SRGN: variants seen among roughly 807,000 people sequenced by gnomAD.
The protein encoded by SRGN is hematopoetic proteoglycan core peptide.
SRGN carries 2 observed loss-of-function variants against 9.5 expected under a neutral mutation model. That is an observed-to-expected ratio of 0.21 (90% CI 0.09 to 0.66). SRGN has a LOEUF of 0.66. Ranked by LOEUF, SRGN falls within the 30% of genes least tolerant of loss-of-function variation. The probability of loss-of-function intolerance (pLI) is 0.83; values close to 1 mark genes in which losing one functional copy is unlikely to be tolerated. For synonymous variants in SRGN, 59 were observed against 72.3 expected (o/e 0.82, Z 0.93); for missense variants, 170 against 192.4 (o/e 0.88, Z 0.69).
intron 1 of SRGN, among the ~76,000 whole-genome samples, chr10:69,093,137 G>A (rs1490976410): frequency 1.3e-5 from 2 of 152,140 alleles, no homozygotes; most frequent in Non-Finnish European, 2.9e-5. Context: ...GACTGCCTAG[G>A]CCTGCTCTGT....
chr10:69,103,938 G>A lies in SRGN; in HGVS notation c.295G>A (p.Gly99Ser), dbSNP rs529263420. 14 of 1,614,012 alleles carry A rather than the reference G, an allele frequency of 8.7e-6. No individual in the cohort carries two copies. The African/African-American group carries it at 1.3e-4, about 15-fold the overall frequency. ...LSEDYSGSGF[G>S]SGSGSGSGSG... ...TGAGGACTACTCTGGATCAGGCTTC[G>A]GCTCCGGCTCCGGCTCTGGATCAGG... The change falls in exon 3 of 3, where the codon GGC becomes AGC. Residue 99 changes from glycine (G) to serine (S), a missense_variant. Physicochemically the swap from Gly to Ser is moderately conservative, Grantham distance 56. Coordinates refer to ENST00000242465, the MANE Select transcript of SRGN (RefSeq NM_002727.4).
Position 69,091,228 on chromosome 10 carries a change from G to A in SRGN, c.79+2992G>A, listed in dbSNP as rs181259342. The stretch of plus-strand genomic sequence containing the variant: ...CCAAGACCCATTACAACTAATTAAC[G>A]GCTGAACTGGTCGTCTGATTTCAAG... On this transcript the variant is annotated intron_variant, in intron 1 of 2. Coordinates refer to ENST00000242465, the MANE Select transcript of SRGN (RefSeq NM_002727.4). Among the ~76,000 whole-genome samples, 5 of 152,248 alleles carry A rather than the reference G, an allele frequency of 3.3e-5. No homozygotes were observed. In the East Asian group the frequency reaches 9.6e-4, roughly 29 times the overall value.
rs1840354388 is a variant in SRGN, at chr10:69,104,289, G to A, written c.*169G>A. ...TTCTCATGAATTCTTAAAGGATTAT[G>A]CTTTAATGCTGTTATCTATTTTATT... On this transcript the variant is annotated 3_prime_UTR_variant, in exon 3 of 3. Coordinates refer to ENST00000242465, the MANE Select transcript of SRGN (RefSeq NM_002727.4). 8.0e-6 allele frequency: 7 copies of A among 875,348 alleles called. No homozygotes were observed. The highest frequency in any genetic ancestry group is 8.3e-6 in the Non-Finnish European group (5 of 603,904). 54.2% of individuals were successfully genotyped at this position (875,348 alleles called of 1,614,324 possible).
rs749111823 is a variant in SRGN, at chr10:69,097,248, CTAATTAAT to C, written c.227+28_227+35del. On this transcript the variant is annotated intron_variant, in intron 2 of 2. Transcript: ENST00000242465. ...CCTTTTTCCGTAAGTGGACTTTTCT[CTAATTAAT>C]TAATTAATTACTTATTTATTTGAGA... is the stretch of plus-strand genomic sequence containing the variant. 3.8e-6 allele frequency: 6 copies of C among 1,592,158 alleles called. No homozygotes were observed. In the African/African-American group the frequency reaches 4.0e-5, roughly 11 times the overall value.
intron 2 of SRGN, among the ~76,000 whole-genome samples, chr10:69,100,745 C>T (rs901898288): frequency 6.6e-6 from 1 of 152,114 alleles, no homozygotes; most frequent in Non-Finnish European, 1.5e-5. Flanking sequence ...GCTCCCAGGG[C>T]TGTGGCTGAC....
intron 2 of SRGN, among the ~76,000 whole-genome samples, chr10:69,100,925 C>T (rs1367089334): frequency 1.3e-5 from 2 of 152,102 alleles, no homozygotes; most frequent in African/African-American, 4.8e-5. Flanking sequence ...AGGAAATAGA[C>T]AACCTCCTTC....
In SRGN at chr10:69,100,807, G is replaced by C. The variant is rs115506782; in HGVS notation, c.228-3064G>C. The stretch of plus-strand genomic sequence containing the variant: ...AGACTGAGAGCTTGGGAGGAAGGGA[G>C]AGAGGTATGTTTCTTCTCCTTACTC... On this transcript the variant is annotated intron_variant, in intron 2 of 2. Transcript: ENST00000242465. 8.7e-4 allele frequency among the ~76,000 whole-genome samples: 133 copies of C among 152,150 alleles called. 3 individuals carry two copies. The East Asian group carries it at 0.02, about 23-fold the overall frequency.
At position 69,103,996 on chromosome 10, in the gene SRGN, A is replaced by G. The variant is rs146911526; in HGVS notation, c.353A>G (p.Gln118Arg). The G allele has an allele frequency of 4.3e-6, 7 of 1,614,126 alleles. No homozygotes were observed. In the African/African-American group the frequency reaches 8.0e-5, roughly 18 times the overall value. The change falls in exon 3 of 3, where the codon CAG (glutamine) becomes CGG (arginine). Residue 118 changes from glutamine (Q) to arginine (R), a missense_variant. Gln to Arg is a conservative substitution (Grantham distance 43). Transcript: ENST00000242465. ...AGTGGCTTCCTAACGGAAATGGAAC[A>G]GGATTACCAACTAGTAGACGAAAGT... ...SGSGFLTEME[Q>R]DYQLVDESDA... is the part of the protein sequence containing the mutation.
intron 1 of SRGN, among the ~76,000 whole-genome samples, chr10:69,093,408 C>A (rs1469825033): frequency 6.6e-6 from 1 of 152,082 alleles, no homozygotes; most frequent in Non-Finnish European, 1.5e-5. Context: ...TTAAAACTCC[C>A]TATGTGGTTT....
Position 69,096,217 on chromosome 10 carries a change from C to T in SRGN, c.80-867C>T, listed in dbSNP as rs1011113406. 1.5e-4 allele frequency among the ~76,000 whole-genome samples: 23 copies of T among 152,292 alleles called. No homozygotes were observed. In the South Asian group the frequency reaches 4.4e-3, roughly 29 times the overall value. On this transcript the variant is annotated intron_variant, in intron 1 of 2. Transcript: ENST00000242465. ...CTTCCCCTTTCTGAACCTGATTTGACTCATCTCTATGAAAAGATGTGGGCT... is the reference window on the plus strand; with the variant it reads ...CTTCCCCTTTCTGAACCTGATTTGATTCATCTCTATGAAAAGATGTGGGCT...
intron 2 of SRGN, among the ~76,000 whole-genome samples, chr10:69,100,149 C>T (rs367907421): frequency 6.6e-6 from 1 of 152,168 alleles, no homozygotes. Context: ...CCAAGGCAGG[C>T]AGATTGCTTT....
chr10:69,102,843 T>G (rs777296486), intron 2 of SRGN, among the ~76,000 whole-genome samples: 3 of 152,236 alleles, frequency 2.0e-5, no homozygotes, highest in Non-Finnish European at 4.4e-5. Flanking sequence ...GTGAGCTTTG[T>G]TGAAGCCCTG....
intron 1 of SRGN, 77 bp downstream of exon 1, chr10:69,088,313 T>A: frequency 1.6e-6 from 2 of 1,254,492 alleles, no homozygotes; most frequent in Non-Finnish European, 2.3e-6. Context: ...ATATTCATTT[T>A]AAGGCATAGA....
At chr10:69,091,716 C>A (rs1226470281) in intron 1 of SRGN, among the ~76,000 whole-genome samples, 7 of 150,984 alleles carry the variant, frequency 4.6e-5, no homozygotes, top group Non-Finnish European at 1.5e-5. Flanking sequence ...CCCATCTCTA[C>A]TAAAAATACA....
At chr10:69,102,974 T>A (rs1840321263) in intron 2 of SRGN, among the ~76,000 whole-genome samples, 1 of 152,036 alleles carries the variant, frequency 6.6e-6, no homozygotes, top group African/African-American at 2.4e-5. Context: ...AGTTTTGCTC[T>A]TGTAACCCAG....
Position 69,088,162 on chromosome 10 carries a change from T to C in SRGN, c.5T>C (p.Met2Thr), listed in dbSNP as rs115958601. ...GAGAGCTAGACTAAGTTGGTCATGA[T>C]GCAGAAGCTACTCAAATGCAGTCGG... is the stretch of plus-strand genomic sequence containing the variant. MMQKLLKCSRLV... is the reference protein window; with the variant it reads MTQKLLKCSRLV... Residue 2 changes from methionine to threonine, a missense_variant, in exon 1 of 3, where the codon ATG becomes ACG. Coordinates refer to ENST00000242465, the MANE Select transcript of SRGN (RefSeq NM_002727.4). The C allele has an allele frequency of 1.5e-3, 2,390 of 1,614,136 alleles. 23 individuals carry two copies. Among genetic ancestry groups the C allele is most frequent in the African/African-American group, 0.013 (940 of 75,044 alleles).
Position 69,101,906 on chromosome 10 carries a change from G to A in SRGN, c.228-1965G>A, listed in dbSNP as rs559828554. Among the ~76,000 whole-genome samples, 65 of 152,148 alleles carry A rather than the reference G, an allele frequency of 4.3e-4. 1 individual carries two copies. Among genetic ancestry groups the A allele is most frequent in the South Asian group, 1.9e-3 (9 of 4,820 alleles). On this transcript the variant is annotated intron_variant, in intron 2 of 2. Transcript: ENST00000242465. ...TCTACAAAAAATAGAAAAATTAGCC[G>A]GGCGTTGTGACTCATGCTTGTGGTC... is the stretch of plus-strand genomic sequence containing the variant.
intron 2 of SRGN, among the ~76,000 whole-genome samples, chr10:69,097,890 A>G (rs1173660797): frequency 6.6e-6 from 1 of 152,112 alleles, no homozygotes; most frequent in Admixed American, 6.6e-5. Context: ...AGTGTCTGTA[A>G]TTTCACAACC....
At chr10:69,102,691 C>A (rs551062520) in intron 2 of SRGN, among the ~76,000 whole-genome samples, 15 of 152,256 alleles carry the variant, frequency 9.9e-5, no homozygotes, top group African/African-American at 2.4e-4. Context: ...TCATCACACT[C>A]AACCCAGAAG....
Sources: allele counts gnomAD v4.1 joint callset (sites outside exome capture counted in the v4.1 genomes callset), GRCh38; gene constraint gnomAD v4.1.1; transcripts MANE v1.5; gene names NCBI Gene and HGNC (gene_info 2026-07-23, HGNC 2026-07-21).